Variants in INVS observed in about 807,000 individuals in gnomAD.
INVS encodes the protein inversion of embryo turning homolog.
In INVS, 86 loss-of-function variants were observed where a neutral mutation model predicts 108.8. That is an observed-to-expected ratio of 0.79 (90% confidence interval 0.66 to 0.95). The LOEUF (loss-of-function observed/expected upper bound fraction) is 0.95, where lower values mean the gene tolerates loss of function less well. Ranked by LOEUF, INVS falls within the 40% of genes least tolerant of loss-of-function variation. The pLI is 0.00. For synonymous variants in INVS, 455 were observed against 473.5 expected, an observed-to-expected ratio of 0.96 and a Z score of 0.51; for missense variants, 1,169 against 1,297.4, an observed-to-expected ratio of 0.90 and a Z score of 1.52.
Position 100,296,945 on chromosome 9 carries a change from C to A in INVS, c.2815C>A (p.Leu939Ile). ...SYQLRKHLSH[L>I]RHMKQLGAGD... ...CCAGCTCAGGAAGCACCTGTCCCAC[C>A]TTCGGCATATGAAGCAGCTTGGAGC... Residue 939 changes from leucine to isoleucine, a missense_variant, in exon 15 of 17, where the codon CTT (leucine) becomes ATT (isoleucine). Around this residue, in one of 3 missense-constraint regions of INVS, gnomAD observed 533 missense variants for 536.0 expected, o/e 0.99. Coordinates refer to ENST00000262457, the MANE Select transcript of INVS (RefSeq NM_014425.5). 6.2e-7 allele frequency: 1 copy of A among 1,614,094 alleles called. No homozygotes were observed. The highest frequency in any genetic ancestry group is 1.6e-4 in the Middle Eastern group (1 of 6,062).
In INVS at chr9:100,109,114, A is replaced by G. The variant is rs1044950915; in HGVS notation, c.106+4487A>G. Reference sequence around the variant, plus strand: ...TTTAGTAGATTCATTTTAATACTATACAGTGTAGTATTGGTAGAAAAAAGT... The same window carrying G: ...TTTAGTAGATTCATTTTAATACTATGCAGTGTAGTATTGGTAGAAAAAAGT... On this transcript the variant is annotated intron_variant, in intron 2 of 16. Coordinates refer to ENST00000262457, the MANE Select transcript of INVS (RefSeq NM_014425.5). Among the ~76,000 whole-genome samples the G allele has an allele frequency of 2.0e-5, 3 of 152,254 alleles. No homozygotes were observed. The South Asian group carries it at 6.2e-4, about 31-fold the overall frequency.
At chr9:100,203,181 A>G (rs779034388) in intron 3 of INVS, among the ~76,000 whole-genome samples, 1 of 152,204 alleles carries the variant, frequency 6.6e-6, no homozygotes, top group Non-Finnish European at 1.5e-5. Flanking sequence ...GTTACTTTTG[A>G]TAAAGTAGCT....
chr9:100,134,971 A>G (rs1828176679), intron 3 of INVS, among the ~76,000 whole-genome samples: 1 of 152,166 alleles, frequency 6.6e-6, no homozygotes, highest in Non-Finnish European at 1.5e-5. Context: ...AGAAAAACTA[A>G]TCTATGGTGA....
rs1258607008 is a variant in INVS, at chr9:100,298,262, C to T, written c.3091+252C>T. 2.2e-6 allele frequency: 3 copies of T among 1,365,914 alleles called. No individual in the cohort carries two copies. In the African/African-American group the frequency reaches 4.4e-5, roughly 20 times the overall value. 84.6% of individuals were successfully genotyped at this position (1,365,914 alleles called of 1,614,324 possible). A position where few individuals can be genotyped will look rare whatever the true frequency, so the allele number is the denominator to read the frequency against. On this transcript the variant is annotated intron_variant, in intron 16 of 16. Coordinates refer to ENST00000262457, the MANE Select transcript of INVS (RefSeq NM_014425.5). ...TGGTAGCTATTATTGATCACTTTTA[C>T]ACATTTTTTCACACAAAGGAAATAA...
chr9:100,188,635 C>CTTTTTTTTTTTTTTTTTTT (rs11309021), intron 3 of INVS, among the ~76,000 whole-genome samples: 3 of 128,268 alleles, frequency 2.3e-5, no homozygotes, highest in Non-Finnish European at 3.4e-5. Context: ...TAGTTTCTTT[C>CTTTTTTTTTTTTTTTTTTT]TTTTTTTTTT....
rs2118631994 is a variant in INVS, at chr9:100,265,269, G to T, written c.1571+341G>T. Among the ~76,000 whole-genome samples the T allele has an allele frequency of 2.6e-5, 4 of 152,142 alleles. No homozygotes were observed. In the Middle Eastern group the frequency reaches 0.01, roughly 388 times the overall value. ...AGTTGTTGACTTTTTTTTAAAAAAA[G>T]TGCTCTTTATCATACATCCTTTCTA... On this transcript the variant is annotated intron_variant, in intron 11 of 16. Transcript: ENST00000262457.
chr9:100,148,196 C>T (rs1182920513), intron 3 of INVS, among the ~76,000 whole-genome samples: 2 of 151,464 alleles, frequency 1.3e-5, no homozygotes, highest in African/African-American at 4.9e-5. Context: ...AAATAAAAAA[C>T]CAAAAAGGTT....
rs1301947684 is a variant in INVS at position 100,271,457 on chromosome 9, C to G, written c.1572-1407C>G. Among the ~76,000 whole-genome samples, 5 of 152,274 alleles carry G rather than the reference C, an allele frequency of 3.3e-5. No individual in the cohort carries two copies. The East Asian group carries it at 9.7e-4, about 29-fold the overall frequency. ...TGACTAGCTGTACTTCTATGAGTAG[C>G]CTTGTACATAAAGCATTTCACATGA... On this transcript the variant is annotated intron_variant, in intron 11 of 16. Transcript: ENST00000262457.
chr9:100,219,509 T>C (rs139501168), intron 3 of INVS, among the ~76,000 whole-genome samples: 124 of 152,096 alleles, frequency 8.2e-4, no homozygotes, highest in South Asian at 3.7e-3. Flanking sequence ...CAAAACCCAG[T>C]GTGGTGAGGA....
intron 3 of INVS, among the ~76,000 whole-genome samples, chr9:100,206,895 GCCTT>G (rs1830691890): frequency 6.6e-6 from 1 of 152,048 alleles, no homozygotes; most frequent in African/African-American, 2.4e-5. Flanking sequence ...TTGTACAGTA[GCCTT>G]CCTTTTTAAT....
chr9:100,200,516 C>G (rs1830503985), intron 3 of INVS, among the ~76,000 whole-genome samples: 2 of 152,134 alleles, frequency 1.3e-5, no homozygotes, highest in Admixed American at 1.3e-4. Flanking sequence ...CTAGTTGAAT[C>G]TATTAGACCA....
chr9:100,137,242 A>T (rs1233822727), intron 3 of INVS, among the ~76,000 whole-genome samples: 1 of 152,106 alleles, frequency 6.6e-6, no homozygotes, highest in Non-Finnish European at 1.5e-5. Flanking sequence ...GATTAGAGGG[A>T]GATGTTTTGT....
rs1232402334 is a variant in INVS at position 100,209,988 on chromosome 9, C to T, written c.274-16074C>T. Among the ~76,000 whole-genome samples, 6 of 152,182 alleles carry T rather than the reference C, an allele frequency of 3.9e-5. No homozygotes were observed. The East Asian group carries it at 7.7e-4, about 20-fold the overall frequency. On this transcript the variant is annotated intron_variant, in intron 3 of 16. Coordinates refer to ENST00000262457, the MANE Select transcript of INVS (RefSeq NM_014425.5). ...CTTTTTCATCCTCCACACACAATGC[C>T]GTCGCACATTCAGCTTCCTTCCTAC...
Position 100,104,572 on chromosome 9 carries a change from A to G in INVS, c.51A>G (p.Gln17=), listed in dbSNP as rs1437456207. The change falls in exon 2 of 17, where the codon CAA becomes CAG. Residue 17 remains glutamine, a synonymous_variant. Coordinates refer to ENST00000262457, the MANE Select transcript of INVS (RefSeq NM_014425.5). Reference sequence around the variant, plus strand: ...TTGCTGGTTCATCATTAGCATCACAAGTCCATGCTGCTGCCGTTAATGGAG... The same window carrying G: ...TTGCTGGTTCATCATTAGCATCACAGGTCCATGCTGCTGCCGTTAATGGAG... ...LLFAGSSLAS[Q]VHAAAVNGDK... is the part of the protein sequence containing the mutation. 1 of 1,614,180 alleles carries G rather than the reference A, an allele frequency of 6.2e-7. No homozygotes were observed. Among genetic ancestry groups the G allele is most frequent in the Non-Finnish European group, 8.5e-7 (1 of 1,180,006 alleles).
At chr9:100,157,267 C>CTT (rs770493291) in intron 3 of INVS, among the ~76,000 whole-genome samples, 4 of 130,096 alleles carry the variant, frequency 3.1e-5, no homozygotes, top group African/African-American at 6.6e-5. Flanking sequence ...TCTTTTTTTT[C>CTT]TTTTTTTTTT....
At chr9:100,128,204 C>T (rs1827946635) in intron 3 of INVS, among the ~76,000 whole-genome samples, 1 of 152,082 alleles carries the variant, frequency 6.6e-6, no homozygotes, top group Non-Finnish European at 1.5e-5. Flanking sequence ...AGATACCATG[C>T]ATTGTTTTCT....
At chr9:100,180,194 T>A (rs957895067) in intron 3 of INVS, among the ~76,000 whole-genome samples, 1 of 151,830 alleles carries the variant, frequency 6.6e-6, no homozygotes, top group African/African-American at 2.4e-5. Context: ...GTGGGAAAGA[T>A]CTAAAATCGA....
chr9:100,264,890 T>C lies in INVS; in HGVS notation c.1533T>C (p.Phe511=). Reference sequence around the variant, plus strand: ...ATGCCATTAAATTACTGCTAGACTTTGCTGCTTTCCCTAATCAGATGGAAA... The same window carrying C: ...ATGCCATTAAATTACTGCTAGACTTCGCTGCTTTCCCTAATCAGATGGAAA... ...YLDAIKLLLD[F]AAFPNQMENN... is the part of the protein sequence containing the mutation. The change falls in exon 11 of 17, where the codon TTT becomes TTC. Residue 511 remains phenylalanine, a synonymous_variant. Coordinates refer to ENST00000262457, the MANE Select transcript of INVS (RefSeq NM_014425.5). The C allele has an allele frequency of 6.2e-7, 1 of 1,613,842 alleles. No homozygotes were observed. The highest frequency in any genetic ancestry group is 8.5e-7 in the Non-Finnish European group (1 of 1,179,768).
chr9:100,123,563 G>C (rs1827790043), intron 2 of INVS, among the ~76,000 whole-genome samples: 1 of 152,078 alleles, frequency 6.6e-6, no homozygotes, highest in South Asian at 2.1e-4. Context: ...GAATAATACT[G>C]CAATGGATAT....
Sources: gnomAD v4.1 joint callset for allele counts (sites outside exome capture counted in the v4.1 genomes callset) on GRCh38, gnomAD v4.1.1 for gene constraint, gnomAD v4.1.1 regional missense constraint, MANE v1.5 for transcripts, NCBI Gene and HGNC (gene_info 2026-07-23, HGNC 2026-07-21) for gene names.